Variants in PPP2R2B observed in about 807,000 individuals in gnomAD.
The protein encoded by PPP2R2B is protein phosphatase 2 regulatory subunit Bbeta, also known as serine/threonine-protein phosphatase 2A 55 kDa regulatory subunit B beta isoform.
A neutral mutation model predicts 46.0 loss-of-function variants in PPP2R2B; 5 were observed. The ratio of observed to expected loss-of-function variants is 0.11; its 90% CI spans 0.06 to 0.23. The LOEUF is 0.23. Among genes scored for constraint, PPP2R2B ranks in the 10% least tolerant of loss-of-function variants. The probability of loss-of-function intolerance (pLI) is 1.00; values close to 1 mark genes in which losing one functional copy is unlikely to be tolerated. For missense variants in PPP2R2B, 367 were observed against 575.0 expected (o/e 0.64, Z 3.70); for synonymous variants, 215 against 206.7 (o/e 1.04, Z -0.34).
At chr5:147,008,336 C>T (rs1252020093) in intron 1 of PPP2R2B, among the ~76,000 whole-genome samples, 1 of 151,964 alleles carries the variant, frequency 6.6e-6, no homozygotes, top group African/African-American at 2.4e-5. Flanking sequence ...TTATGAAGGT[C>T]TATGCATAAA....
In PPP2R2B at chr5:147,073,013, T is replaced by C. The variant is rs114660896; in HGVS notation, c.50+8046A>G. On this transcript the variant is annotated intron_variant, in intron 2 of 10. Coordinates refer to the PPP2R2B transcript ENST00000394413. ...CACTTTCCACAATCACACTGGATTG[T>C]CATTAAAAACCATGTGGTGATGTCC... Among the ~76,000 whole-genome samples, 1,258 of 152,288 alleles carry C rather than the reference T, an allele frequency of 8.3e-3. 18 individuals are homozygous for C. The highest frequency in any genetic ancestry group is 0.028 in the African/African-American group (1,154 of 41,566).
intron 1 of PPP2R2B, among the ~76,000 whole-genome samples, chr5:146,930,790 C>T (rs192544031): frequency 1.2e-3 from 186 of 152,204 alleles, no homozygotes; most frequent in Non-Finnish European, 2.0e-3. Flanking sequence ...TTCTCTTTGT[C>T]GATATTAGAA....
intron 1 of PPP2R2B, among the ~76,000 whole-genome samples, chr5:147,037,070 T>G (rs1340877205): frequency 1.3e-5 from 2 of 152,106 alleles, no homozygotes; most frequent in Non-Finnish European, 2.9e-5. Context: ...CACGTTAGCA[T>G]ACAGTAGAGC....
intron 8 of PPP2R2B, among the ~76,000 whole-genome samples, chr5:146,597,257 G>C (rs938682286): frequency 1.3e-5 from 2 of 151,922 alleles, no homozygotes; most frequent in Non-Finnish European, 2.9e-5. Context: ...CTCTTACATG[G>C]TCTCATCTAT....
chr5:146,871,856 C>G (rs890281122), intron 2 of PPP2R2B, among the ~76,000 whole-genome samples: 1 of 152,144 alleles, frequency 6.6e-6, no homozygotes, highest in Non-Finnish European at 1.5e-5. Context: ...TCCTTTGGTT[C>G]TCTGTACCTT....
chr5:146,727,079 C>A (rs1259170996), intron 2 of PPP2R2B, among the ~76,000 whole-genome samples: 1 of 152,094 alleles, frequency 6.6e-6, no homozygotes, highest in Non-Finnish European at 1.5e-5. Context: ...TTTGGAACTT[C>A]ATTTTCTAAA....
chr5:147,066,017 C>G (rs1456755391), intron 2 of PPP2R2B, among the ~76,000 whole-genome samples: 2 of 152,040 alleles, frequency 1.3e-5, no homozygotes, highest in South Asian at 4.2e-4. Flanking sequence ...GTTCCTGATT[C>G]GGGCTGGAAT....
At chr5:146,968,567 A>T (rs749913114) in intron 1 of PPP2R2B, among the ~76,000 whole-genome samples, 40 of 152,206 alleles carry the variant, frequency 2.6e-4, no homozygotes, top group Non-Finnish European at 4.9e-4. Context: ...GACCTGAGCT[A>T]CTTCTTTGCT....
chr5:146,630,845 G>C (rs1391698392), intron 7 of PPP2R2B, among the ~76,000 whole-genome samples: 1 of 152,138 alleles, frequency 6.6e-6, no homozygotes, highest in East Asian at 1.9e-4. Context: ...GGCTCCACGG[G>C]TGTTATTTAA....
chr5:147,074,216 G>C (rs147409782), intron 2 of PPP2R2B, among the ~76,000 whole-genome samples: 1 of 152,148 alleles, frequency 6.6e-6, no homozygotes, highest in East Asian at 1.9e-4. Context: ...CCTGCCTAAG[G>C]TCACTAAGTG....
intron 2 of PPP2R2B, among the ~76,000 whole-genome samples, chr5:146,701,611 C>G (rs1014444850): frequency 6.6e-6 from 1 of 152,104 alleles, no homozygotes; most frequent in South Asian, 2.1e-4. Flanking sequence ...AATGGAGGAA[C>G]AGAGCACAAA....
intron 1 of PPP2R2B, among the ~76,000 whole-genome samples, chr5:146,926,355 T>C (rs1189618917): frequency 1.3e-5 from 2 of 152,088 alleles, no homozygotes; most frequent in Non-Finnish European, 2.9e-5. Flanking sequence ...TAGTCTAAAA[T>C]ATATATACAT....
intron 1 of PPP2R2B, among the ~76,000 whole-genome samples, chr5:146,967,175 TA>T (rs1322067627): frequency 2.0e-5 from 3 of 152,136 alleles, no homozygotes; most frequent in South Asian, 2.1e-4. Flanking sequence ...GATACATGGA[TA>T]AAAAAGGGCT....
At position 146,923,158 on chromosome 5, in the gene PPP2R2B, C is replaced by G. The variant is rs147712266; in HGVS notation, c.79+132507G>C. On this transcript the variant is annotated intron_variant, in intron 1 of 8. Coordinates refer to the PPP2R2B transcript ENST00000336640. ...TTTAGCCGGTTTTGAGCCAGATTTT[C>G]TCTGACTTGACACTAAAAGATTCTC... Among the ~76,000 whole-genome samples, 975 of 152,276 alleles carry G rather than the reference C, an allele frequency of 6.4e-3. 10 individuals carry two copies. The highest frequency in any genetic ancestry group is 0.022 in the African/African-American group (930 of 41,536).
chr5:146,668,457 G>C (rs1468018926), intron 5 of PPP2R2B, among the ~76,000 whole-genome samples: 1 of 152,080 alleles, frequency 6.6e-6, no homozygotes, highest in Non-Finnish European at 1.5e-5. Context: ...TCTTAGAAGT[G>C]CTATGAGCCC....
intron 1 of PPP2R2B, among the ~76,000 whole-genome samples, chr5:147,011,119 T>A (rs920665463): frequency 2.0e-5 from 3 of 152,124 alleles, no homozygotes; most frequent in Admixed American, 2.0e-4. Context: ...CCACTTGGCC[T>A]CTTTACTGTA....
chr5:146,777,174 C>A (rs1472469115), intron 2 of PPP2R2B, among the ~76,000 whole-genome samples: 1 of 152,002 alleles, frequency 6.6e-6, no homozygotes, highest in East Asian at 1.9e-4. Flanking sequence ...ACTTATATAC[C>A]AATGTTCATG....
chr5:146,705,021 G>T (rs1052479785), intron 2 of PPP2R2B, among the ~76,000 whole-genome samples: 6 of 152,116 alleles, frequency 3.9e-5, no homozygotes, highest in Non-Finnish European at 8.8e-5. Context: ...TGATAAAATG[G>T]AGACTCAGTT....
intron 1 of PPP2R2B, among the ~76,000 whole-genome samples, chr5:146,992,618 G>A (rs781414059): frequency 7.2e-5 from 11 of 152,148 alleles, no homozygotes; most frequent in Non-Finnish European, 1.3e-4. Context: ...GGGTGTTGGG[G>A]GAGTGGAAAC....
Sources: gnomAD v4.1 joint callset for allele counts (sites outside exome capture counted in the v4.1 genomes callset) on GRCh38, gnomAD v4.1.1 for gene constraint, MANE v1.5 for transcripts, NCBI Gene and HGNC (gene_info 2026-07-23, HGNC 2026-07-21) for gene names.